The following BIRC6 variants were observed in gnomAD, a reference collection of about 807,000 sequenced individuals.
BIRC6 encodes the protein baculoviral IAP repeat containing 6, also known as dual E2 ubiquitin-conjugating enzyme/E3 ubiquitin-protein ligase BIRC6.
In BIRC6, 98 loss-of-function variants were observed where a neutral mutation model predicts 503.3. That is an observed-to-expected ratio of 0.19 (90% CI 0.17 to 0.23). BIRC6 has a LOEUF of 0.23. BIRC6 is among the 10% of genes least tolerant of loss of function. The probability of loss-of-function intolerance (pLI) is 1.00; values close to 1 mark genes in which losing one functional copy is unlikely to be tolerated. For missense variants in BIRC6, 5,360 were observed against 5,806.0 expected (o/e 0.92, Z 2.50); for synonymous variants, 2,240 against 2,078.7 (o/e 1.08, Z -2.11).
At chr2:32,593,785 A>T in intron 66 of BIRC6, 130 bp from the exon 67 acceptor site, 1 of 760,332 alleles carries the variant, frequency 1.3e-6, no homozygotes, top group Non-Finnish European at 2.0e-6. Flanking sequence ...TGGCTTCAAA[A>T]GCAAGTTAAT....
chr2:32,460,682 T>G (rs1426906076), intron 23 of BIRC6, among the ~76,000 whole-genome samples: 1 of 152,044 alleles, frequency 6.6e-6, no homozygotes, highest in Non-Finnish European at 1.5e-5. Flanking sequence ...TGATTAGTTC[T>G]ATAGTATCAG....
At chr2:32,495,810 T>TG (rs2052384660) in intron 45 of BIRC6, among the ~76,000 whole-genome samples, 1 of 149,112 alleles carries the variant, frequency 6.7e-6, no homozygotes, top group Admixed American at 6.7e-5. Context: ...TTTTTTTTTT[T>TG]TGCCTGTGGA....
chr2:32,374,655 G>C (rs2036480820), intron 1 of BIRC6, among the ~76,000 whole-genome samples: 3 of 151,794 alleles, frequency 2.0e-5, no homozygotes, highest in Admixed American at 6.6e-5. Context: ...TGTATTTTTA[G>C]TAGAGACGGG....
At chr2:32,532,089 T>C (rs931801337) in intron 61 of BIRC6, 1 of 529,218 alleles carries the variant, frequency 1.9e-6, no homozygotes, top group Non-Finnish European at 3.9e-6. Flanking sequence ...CAAAACTTTG[T>C]GTTTGTTGAA....
Position 32,598,055 on chromosome 2 carries a change from T to C in BIRC6, c.13830+87T>C, listed in dbSNP as rs2061788550. 5.8e-6 allele frequency: 7 copies of C among 1,212,380 alleles called. No homozygotes were observed. In the South Asian group the frequency reaches 1.0e-4, roughly 18 times the overall value. The allele number at this position is 1,212,380 out of a possible 1,614,324, so 75.1% of individuals were successfully genotyped here. ...TTTTTATACAAAACTGGAAATACTA[T>C]ACAAATAAATTATACAAAACACTAG... On this transcript the variant is annotated intron_variant, in intron 69 of 73. Transcript: ENST00000421745.
In BIRC6 at chr2:32,357,075, C is replaced by A; in HGVS notation, c.-87C>A. 8.1e-7 allele frequency: 1 copy of A among 1,233,362 alleles called. No homozygotes were observed. The highest frequency in any genetic ancestry group is 1.7e-5 in the South Asian group (1 of 60,294). 76.4% of individuals were successfully genotyped at this position (1,233,362 alleles called of 1,614,324 possible). A position where few individuals can be genotyped will look rare whatever the true frequency, so the allele number is the denominator to read the frequency against. On this transcript the variant is annotated 5_prime_UTR_variant, in exon 1 of 74. Transcript: ENST00000421745. The surrounding 1 kb of genome is among the most constrained non-coding windows in gnomAD (Gnocchi z 4.9). Reference sequence around the variant, plus strand: ...GTCAGCCTCCCTCCGAGTTTGGCCCCTCCGGCCGGGCGATCGACGTTCCGC... The same window carrying A: ...GTCAGCCTCCCTCCGAGTTTGGCCCATCCGGCCGGGCGATCGACGTTCCGC...
Position 32,593,972 on chromosome 2 carries a change from A to C in BIRC6, c.13413A>C (p.Pro4471=). The C allele has an allele frequency of 6.2e-7, 1 of 1,613,818 alleles. No individual in the cohort carries two copies. Among genetic ancestry groups the C allele is most frequent in the Non-Finnish European group, 8.5e-7 (1 of 1,179,758 alleles). Residue 4471 remains proline (P), a synonymous_variant, in exon 67 of 74, where the codon CCA becomes CCC. Coordinates refer to ENST00000421745, the MANE Select transcript of BIRC6 (RefSeq NM_016252.4). ...AACCAGATGCGTCTGATCAAGAACC[A>C]GAAGGACTTACTCTTTTGGTACCAG... is the stretch of plus-strand genomic sequence containing the variant. ...GVKPDASDQE[P]EGLTLLVPDI...
At chr2:32,376,977 G>A (rs913415171) in intron 1 of BIRC6, among the ~76,000 whole-genome samples, 3 of 152,116 alleles carry the variant, frequency 2.0e-5, no homozygotes, top group African/African-American at 7.2e-5. Context: ...CTGCAGATAA[G>A]GAGGGGCACT....
At chr2:32,547,809 AAAAC>A in intron 63 of BIRC6, 37 bp from the exon 64 acceptor site, 1 of 1,465,430 alleles carries the variant, frequency 6.8e-7, no homozygotes, top group South Asian at 1.4e-5. Context: ...AAGATAAGCA[AAAAC>A]AAATTGTAAT....
chr2:32,542,986 G>C (rs543721130), intron 61 of BIRC6, among the ~76,000 whole-genome samples: 3 of 151,810 alleles, frequency 2.0e-5, no homozygotes, highest in African/African-American at 7.3e-5. Context: ...TTTTAGTAGA[G>C]ACGGTGTTTC....
At position 32,415,092 on chromosome 2, in the gene BIRC6, A is replaced by G; in HGVS notation, c.1801A>G (p.Ser601Gly). Reference protein sequence around the residue: ...LDGLSRTQGESISEQGSTDNE... With the variant: ...LDGLSRTQGEGISEQGSTDNE... Reference sequence around the variant, plus strand: ...TGGTTTAAGCAGAACTCAGGGTGAAAGTATATCAGAACAAGGGTCAACTGA... The same window carrying G: ...TGGTTTAAGCAGAACTCAGGGTGAAGGTATATCAGAACAAGGGTCAACTGA... Residue 601 changes from serine to glycine, a missense_variant, in exon 10 of 74, where the codon AGT becomes GGT. Coordinates refer to ENST00000421745, the MANE Select transcript of BIRC6 (RefSeq NM_016252.4). 2 of 1,613,942 alleles carry G rather than the reference A, an allele frequency of 1.2e-6. No homozygotes were observed. The highest frequency in any genetic ancestry group is 1.7e-6 in the Non-Finnish European group (2 of 1,179,852).
chr2:32,429,117 A>T, intron 10 of BIRC6, 29 bp from the exon 11 acceptor site: 1 of 1,543,924 alleles, frequency 6.5e-7, no homozygotes, highest in Non-Finnish European at 8.7e-7. Context: ...CCTATTTTTC[A>T]TGTATCTATG....
intron 72 of BIRC6, among the ~76,000 whole-genome samples, chr2:32,608,712 G>A (rs976757859): frequency 4.2e-5 from 6 of 143,806 alleles, no homozygotes; most frequent in Admixed American, 6.8e-5. Flanking sequence ...CCACCGCCCC[G>A]GCCTATTCTT....
intron 57 of BIRC6, among the ~76,000 whole-genome samples, chr2:32,524,448 A>G (rs981764426): frequency 2.0e-5 from 3 of 152,200 alleles, no homozygotes; most frequent in African/African-American, 7.2e-5. Flanking sequence ...CTTGAGTCCC[A>G]TATTTGCCAT....
rs114089188 is a variant in BIRC6 at position 32,377,860 on chromosome 2, C to T, written c.507+91C>T. 3.5e-3 allele frequency: 3,952 copies of T among 1,131,582 alleles called. 90 individuals carry two copies. In the African/African-American group the frequency reaches 0.057, roughly 16 times the overall value. The allele number at this position is 1,131,582 out of a possible 1,614,324, so 70.1% of individuals were successfully genotyped here. A position where few individuals can be genotyped will look rare whatever the true frequency, so the allele number is the denominator to read the frequency against. ...ATGAAATTAAGTCATCCTTTAAGGA[C>T]GTTATTATATATATTGCTATAAAAA... On this transcript the variant is annotated intron_variant, in intron 2 of 73. Transcript: ENST00000421745.
At chr2:32,587,318 T>G (rs1573212830) in intron 66 of BIRC6, among the ~76,000 whole-genome samples, 1 of 151,558 alleles carries the variant, frequency 6.6e-6, no homozygotes, top group South Asian at 2.1e-4. Flanking sequence ...ACCCGGGAGG[T>G]GGAGGTTACA....
intron 22 of BIRC6, 135 bp from the exon 23 acceptor site, chr2:32,453,673 T>C (rs2046946498): frequency 2.6e-6 from 2 of 779,164 alleles, no homozygotes; most frequent in Non-Finnish European, 2.0e-6. Flanking sequence ...ACCATGCCCA[T>C]GATTCAAGCA....
chr2:32,548,487 A>G (rs1572944125), intron 64 of BIRC6, among the ~76,000 whole-genome samples: 1 of 143,606 alleles, frequency 7.0e-6, no homozygotes, highest in Admixed American at 7.5e-5. Context: ...TACATTTTTT[A>G]AAATAACTTT....
chr2:32,560,865 G>A (rs917275130), intron 65 of BIRC6, among the ~76,000 whole-genome samples: 1 of 151,548 alleles, frequency 6.6e-6, no homozygotes, highest in Non-Finnish European at 1.5e-5. Context: ...CACTGTGCCC[G>A]ACTTTTTTTT....
Sources: gnomAD v4.1 joint callset for allele counts (sites outside exome capture counted in the v4.1 genomes callset) on GRCh38, gnomAD v4.1.1 for gene constraint, Gnocchi (gnomAD v3.1) non-coding constraint, MANE v1.5 for transcripts, NCBI Gene and HGNC (gene_info 2026-07-23, HGNC 2026-07-21) for gene names.